Variants in ZNF385D observed in about 807,000 individuals in gnomAD.
The protein encoded by ZNF385D is zinc finger protein 385D.
Under a neutral mutation model 35.8 loss-of-function variants are expected in ZNF385D, and 15 were observed. That is an observed-to-expected ratio of 0.42 (90% CI 0.28 to 0.64). The LOEUF (loss-of-function observed/expected upper bound fraction) is 0.64, where lower values mean the gene tolerates loss of function less well. Among genes scored for constraint, ZNF385D ranks in the 30% least tolerant of loss-of-function variants. The pLI, the probability that ZNF385D is intolerant of heterozygous loss-of-function variation, is 0.23. For synonymous variants in ZNF385D, 212 were observed against 186.8 expected (o/e 1.13, Z -1.10); for missense variants, 474 against 494.6 (o/e 0.96, Z 0.39).
At chr3:22,106,298 ACTTG>A (rs1702209534) in intron 3 of ZNF385D, among the ~76,000 whole-genome samples, 1 of 152,086 alleles carries the variant, frequency 6.6e-6, no homozygotes, top group Non-Finnish European at 1.5e-5. Flanking sequence ...TCTACACAAC[ACTTG>A]GATGAAGTAA....
chr3:21,909,207 G>A (rs542411940), intron 3 of ZNF385D, among the ~76,000 whole-genome samples: 11 of 152,118 alleles, frequency 7.2e-5, no homozygotes, highest in African/African-American at 2.2e-4. Flanking sequence ...ATATAATACG[G>A]TCCACATATG....
At chr3:21,875,276 C>T (rs2125853766) in intron 3 of ZNF385D, among the ~76,000 whole-genome samples, 1 of 151,942 alleles carries the variant, frequency 6.6e-6, no homozygotes, top group East Asian at 1.9e-4. Context: ...TTGGTCAGAA[C>T]TTCCAGTGTT....
intron 7 of ZNF385D, 102 bp from the exon 8 acceptor site, chr3:21,421,549 A>C (rs1013699899): frequency 4.1e-6 from 3 of 724,620 alleles, no homozygotes; most frequent in Non-Finnish European, 6.7e-6. Context: ...GTAAACAACT[A>C]TAAAGAAAAA....
intron 2 of ZNF385D, among the ~76,000 whole-genome samples, chr3:22,244,388 AAAAATG>A (rs1699662474): frequency 6.8e-6 from 1 of 146,104 alleles, no homozygotes; most frequent in African/African-American, 2.6e-5. Context: ...AAAAAAAAAA[AAAAATG>A]AAAACATAAA....
intron 1 of ZNF385D, among the ~76,000 whole-genome samples, chr3:21,728,283 A>G (rs1226328717): frequency 1.9e-5 from 1 of 51,860 alleles, no homozygotes; most frequent in Non-Finnish European, 5.4e-5. Context: ...TTAAAGTATA[A>G]TAATAATAAT....
chr3:21,457,224 C>T (rs1194755069), intron 4 of ZNF385D, among the ~76,000 whole-genome samples: 1 of 152,060 alleles, frequency 6.6e-6, no homozygotes, highest in Non-Finnish European at 1.5e-5. Flanking sequence ...AAAATAAACC[C>T]AGTACTAGCG....
At chr3:21,753,520 T>C (rs181812329), upstream of ZNF385D, among the ~76,000 whole-genome samples, 4 of 152,104 alleles carry the variant, frequency 2.6e-5, no homozygotes, top group African/African-American at 7.2e-5. Flanking sequence ...CCAGAAACAA[T>C]TGAGTGTAAT....
chr3:21,875,557 T>C (rs558777702), intron 3 of ZNF385D, among the ~76,000 whole-genome samples: 6 of 152,238 alleles, frequency 3.9e-5, no homozygotes, highest in African/African-American at 9.6e-5. Flanking sequence ...AAAAAGTCAC[T>C]CTACAGTCTT....
intron 2 of ZNF385D, among the ~76,000 whole-genome samples, chr3:21,591,290 T>C (rs2063969263): frequency 6.6e-6 from 1 of 151,952 alleles, no homozygotes; most frequent in Non-Finnish European, 1.5e-5. Context: ...AAGTGCCCCC[T>C]CAATAAACAA....
At chr3:22,139,605 G>T (rs952391749) in intron 3 of ZNF385D, among the ~76,000 whole-genome samples, 1 of 151,574 alleles carries the variant, frequency 6.6e-6, no homozygotes, top group Admixed American at 6.6e-5. Context: ...TCACACACTG[G>T]GGCCTGTTGT....
intron 2 of ZNF385D, among the ~76,000 whole-genome samples, chr3:22,198,480 C>G (rs1374749006): frequency 1.3e-5 from 2 of 152,020 alleles, no homozygotes; most frequent in Non-Finnish European, 2.9e-5. Context: ...TATAGAAATA[C>G]ACTTTCATAG....
chr3:21,769,486 A>G (rs1486650242), intron 3 of ZNF385D, among the ~76,000 whole-genome samples: 2 of 128,224 alleles, frequency 1.6e-5, no homozygotes, highest in Non-Finnish European at 3.2e-5. Flanking sequence ...CCCATTCACA[A>G]TTGCTTCAAA....
chr3:22,251,266 A>T (rs1043206410), intron 2 of ZNF385D, among the ~76,000 whole-genome samples: 4 of 152,142 alleles, frequency 2.6e-5, no homozygotes, highest in African/African-American at 9.6e-5. Flanking sequence ...TGTCTACTGT[A>T]ACTTCTTCCC....
At chr3:22,085,091 T>C (rs1012139039) in intron 3 of ZNF385D, among the ~76,000 whole-genome samples, 2 of 152,160 alleles carry the variant, frequency 1.3e-5, no homozygotes, top group African/African-American at 4.8e-5. Context: ...TAGAGGGAAA[T>C]TTATAGCACT....
At chr3:22,196,558 TTTA>T (rs1429306873) in intron 2 of ZNF385D, among the ~76,000 whole-genome samples, 1 of 151,976 alleles carries the variant, frequency 6.6e-6, no homozygotes, top group East Asian at 1.9e-4. Context: ...AATATTGTGG[TTTA>T]TTATTATTTT....
chr3:22,372,478 C>G (rs1696957537), exon 2 of ZNF385D: 1 of 985,912 alleles, frequency 1.0e-6, no homozygotes, highest in Non-Finnish European at 1.2e-6. Flanking sequence ...TCGGCGCCCC[C>G]AGGAGCTTTT....
chr3:21,627,225 T>C (rs980134871), intron 2 of ZNF385D, among the ~76,000 whole-genome samples: 1 of 149,554 alleles, frequency 6.7e-6, no homozygotes, highest in Admixed American at 6.8e-5. Context: ...GGCAACCTTA[T>C]GCTGGTTCAA....
intron 2 of ZNF385D, among the ~76,000 whole-genome samples, chr3:21,611,254 A>G (rs1051325272): frequency 6.6e-6 from 1 of 152,170 alleles, no homozygotes; most frequent in Non-Finnish European, 1.5e-5. Context: ...GAGCCACCCT[A>G]CCATCTGTCT....
chr3:22,110,124 A>G (rs1702435099), intron 3 of ZNF385D, among the ~76,000 whole-genome samples: 1 of 152,100 alleles, frequency 6.6e-6, no homozygotes. Context: ...CAATCATTAA[A>G]AAGTCAGGAA....
Sources: gnomAD v4.1 joint callset for allele counts (sites outside exome capture counted in the v4.1 genomes callset) on GRCh38, gnomAD v4.1.1 for gene constraint, MANE v1.5 for transcripts, NCBI Gene and HGNC (gene_info 2026-07-23, HGNC 2026-07-21) for gene names.